Variants in MOV10L1 observed in about 807,000 individuals in gnomAD.
The protein encoded by MOV10L1 is RNA helicase Mov10l1.
Under a neutral mutation model 143.8 loss-of-function variants are expected in MOV10L1, and 110 were observed. The ratio of observed to expected loss-of-function variants is 0.76; its 90% confidence interval spans 0.66 to 0.90. MOV10L1 has a LOEUF of 0.90. Among genes scored for constraint, MOV10L1 ranks in the 40% least tolerant of loss-of-function variants. The pLI is 0.00. For synonymous variants in MOV10L1, 593 were observed against 581.1 expected (o/e 1.02, Z -0.29); for missense variants, 1,406 against 1,526.8 (o/e 0.92, Z 1.32).
At chr22:50,147,532 C>T (rs1387140714) in intron 19 of MOV10L1, among the ~76,000 whole-genome samples, 10 of 113,752 alleles carry the variant, frequency 8.8e-5, no homozygotes, top group African/African-American at 1.0e-4. Context: ...CTCTCAGAGG[C>T]GCTCTGTGCA....
intron 15 of MOV10L1, among the ~76,000 whole-genome samples, chr22:50,138,912 C>T (rs930121061): frequency 6.6e-6 from 1 of 152,086 alleles, no homozygotes; most frequent in Non-Finnish European, 1.5e-5. Flanking sequence ...CCATGTTGAT[C>T]AGGCTGGTCT....
chr22:50,098,674 G>A (rs1352008266), intron 2 of MOV10L1, among the ~76,000 whole-genome samples: 2 of 152,184 alleles, frequency 1.3e-5, no homozygotes, highest in East Asian at 3.8e-4. Context: ...CCACAGATGA[G>A]ATCCTACCAT....
chr22:50,128,543 T>A, intron 13 of MOV10L1, 36 bp downstream of exon 13: 8 of 410,224 alleles, frequency 2.0e-5, no homozygotes, highest in Admixed American at 5.9e-5. Flanking sequence ...CAAATGTCTT[T>A]TTTTTTTTTT....
At chr22:50,141,053 T>C (rs1362335858) in intron 15 of MOV10L1, among the ~76,000 whole-genome samples, 1 of 139,744 alleles carries the variant, frequency 7.2e-6, no homozygotes, top group Non-Finnish European at 1.6e-5. Flanking sequence ...TGTAGGATCC[T>C]TTTTTTTTTT....
chr22:50,107,352 G>T (rs755136088), intron 3 of MOV10L1, among the ~76,000 whole-genome samples: 2 of 152,128 alleles, frequency 1.3e-5, no homozygotes, highest in African/African-American at 4.8e-5. Context: ...GTGAGCCACC[G>T]CGCTTGGCCT....
rs199789683 is a variant in MOV10L1 at position 50,150,745 on chromosome 22, C to G, written c.2738C>G (p.Ala913Gly). The G allele has an allele frequency of 6.2e-7, 1 of 1,613,850 alleles. No homozygotes were observed. ...MSDISGQIVL[A>G]GDPMQLGPVI... ...GCCCTCTGTGTGCAGATCGTGCTGG[C>G]AGGAGACCCCATGCAGCTCGGCCCA... The change falls in exon 21 of 27, where the codon GCA becomes GGA. Residue 913 changes from alanine (A) to glycine (G), a missense_variant. This residue lies in a region of MOV10L1 where 1,233 missense variants were observed against 1,351.4 expected (regional missense o/e 0.91). Coordinates refer to ENST00000262794, the MANE Select transcript of MOV10L1 (RefSeq NM_018995.3).
chr22:50,149,452 TCCTC>T, intron 19 of MOV10L1, 159 bp from the exon 20 acceptor site: 1 of 621,228 alleles, frequency 1.6e-6, no homozygotes, highest in Non-Finnish European at 2.9e-6. Context: ...CTGTGGCCTG[TCCTC>T]CCTCCAGCCG....
At chr22:50,143,999 A>G in intron 17 of MOV10L1, 98 bp from the exon 18 acceptor site, 1 of 1,466,258 alleles carries the variant, frequency 6.8e-7, no homozygotes, top group African/African-American at 1.4e-5. Context: ...CATGCAGCTG[A>G]GTCCCTGCAC....
rs751444858 is a variant in MOV10L1, at chr22:50,158,041, C to T, written c.3067-16C>T. The T allele has an allele frequency of 1.2e-6, 2 of 1,605,360 alleles. No homozygotes were observed. Among genetic ancestry groups the T allele is most frequent in the Non-Finnish European group, 1.7e-6 (2 of 1,174,936 alleles). ...ATTCATGAAGTAAAGTAGGTTTTCT[C>T]TCCTCATCAACCCAGGGCAGCGAGG... On this transcript the variant is annotated splice_polypyrimidine_tract_variant and intron_variant, in intron 22 of 26. Transcript: ENST00000262794. This position sits in a 1 kb window ranked among gnomAD's most constrained non-coding sequence, Gnocchi z 5.0.
rs1243596079 is a variant in MOV10L1 at position 50,131,110 on chromosome 22, G to C, written c.1910+2603G>C. On this transcript the variant is annotated intron_variant, in intron 13 of 26. Transcript: ENST00000262794. ...ATTTTTAGTGAGACGGGGTTTCACT[G>C]TGTTAGCCAGAATGGTCTCAATCTC... Among the ~76,000 whole-genome samples, 3 of 142,550 alleles carry C rather than the reference G, an allele frequency of 2.1e-5. No homozygotes were observed. In the South Asian group the frequency reaches 6.7e-4, roughly 32 times the overall value. The allele number at this position is 142,550 out of a possible 152,430, so 93.5% of individuals were successfully genotyped here. A position where few individuals can be genotyped will look rare whatever the true frequency, so the allele number is the denominator to read the frequency against.
Position 50,126,250 on chromosome 22 carries a change from A to G in MOV10L1, c.1796A>G (p.Glu599Gly). ...CAAGAGTACAATGGACATGCCATCG[A>G]ATACATCAGCTACGTGACTGAGGTG... Reference protein sequence around the residue: ...KTQEYNGHAIEYISYVTEIHE... With the variant: ...KTQEYNGHAIGYISYVTEIHE... The change falls in exon 12 of 27, where the codon GAA becomes GGA. Residue 599 changes from glutamate (E) to glycine (G), a missense_variant. By Grantham distance (98) the Glu-to-Gly change is moderately conservative (BLOSUM62 -2). This residue lies in a region of MOV10L1 where 1,233 missense variants were observed against 1,351.4 expected (regional missense o/e 0.91). Coordinates refer to ENST00000262794, the MANE Select transcript of MOV10L1 (RefSeq NM_018995.3). The G allele has an allele frequency of 6.2e-7, 1 of 1,612,642 alleles. No individual in the cohort carries two copies. Among genetic ancestry groups the G allele is most frequent in the African/African-American group, 1.3e-5 (1 of 75,026 alleles).
At chr22:50,145,651 T>C (rs1250408888) in intron 18 of MOV10L1, 38 bp from the exon 19 acceptor site, 9 of 1,608,114 alleles carry the variant, frequency 5.6e-6, no homozygotes, top group African/African-American at 1.3e-5. Context: ...GCTTAATAAT[T>C]GGAGGAGTAA....
At chr22:50,091,920 C>T (rs2062454684) in intron 1 of MOV10L1, 81 bp from the exon 2 acceptor site, 2 of 1,409,494 alleles carry the variant, frequency 1.4e-6, no homozygotes, top group South Asian at 1.4e-5. Flanking sequence ...GGCTTTTGCA[C>T]TCTGCCTTTC....
In MOV10L1 at chr22:50,158,171, A is replaced by G. The variant is rs1366812280; in HGVS notation, c.3181A>G (p.Ser1061Gly). 6.2e-7 allele frequency: 1 copy of G among 1,614,156 alleles called. No homozygotes were observed. Among genetic ancestry groups the G allele is most frequent in the East Asian group, 2.2e-5 (1 of 44,880 alleles). The change falls in exon 23 of 27, where the codon AGC (serine) becomes GGC (glycine). Residue 1061 changes from serine (S) to glycine (G), a missense_variant. This residue lies in a region of MOV10L1 where 1,233 missense variants were observed against 1,351.4 expected (regional missense o/e 0.91). Coordinates refer to ENST00000262794, the MANE Select transcript of MOV10L1 (RefSeq NM_018995.3). This position sits in a 1 kb window ranked among gnomAD's most constrained non-coding sequence, Gnocchi z 5.0. The stretch of plus-strand genomic sequence containing the variant: ...CAGCATCTCCAGTCAGGTGTCTGCC[A>G]GCGACATTGGCGTCATCACGCCCTA... ...AHSISSQVSA[S>G]DIGVITPYRK...
At chr22:50,116,410 G>A (rs1184511531) in intron 8 of MOV10L1, among the ~76,000 whole-genome samples, 1 of 146,256 alleles carries the variant, frequency 6.8e-6, no homozygotes, top group Non-Finnish European at 1.5e-5. Context: ...TCACGCCACC[G>A]CACTCCAGGC....
intron 3 of MOV10L1, among the ~76,000 whole-genome samples, chr22:50,101,793 T>C (rs1311982322): frequency 7.1e-6 from 1 of 140,862 alleles, no homozygotes; most frequent in Non-Finnish European, 1.7e-5. Context: ...ATTATAGGCA[T>C]GAACCACTGT....
chr22:50,090,403 T>C, intron 1 of MOV10L1: 1 of 1,567,810 alleles, frequency 6.4e-7, no homozygotes. Context: ...GTGAGGTCTC[T>C]CCGGTGACAC....
chr22:50,107,658 T>C (rs2061909474), intron 3 of MOV10L1, among the ~76,000 whole-genome samples: 1 of 152,170 alleles, frequency 6.6e-6, no homozygotes, highest in African/African-American at 2.4e-5. Flanking sequence ...GGCCCAGCGG[T>C]GTCTTGCGTC....
chr22:50,145,315 C>G (rs138266), intron 18 of MOV10L1, among the ~76,000 whole-genome samples: 140,920 of 152,292 alleles, frequency 0.93, 65,225 homozygotes, highest in Admixed American at 0.95. Flanking sequence ...CCAGCTACTC[C>G]GGAGGCCGAA....
Sources: allele counts gnomAD v4.1 joint callset (sites outside exome capture counted in the v4.1 genomes callset), GRCh38; gene constraint gnomAD v4.1.1; regional missense constraint gnomAD v4.1.1; non-coding constraint Gnocchi (gnomAD v3.1); transcripts MANE v1.5; gene names NCBI Gene and HGNC (gene_info 2026-07-23, HGNC 2026-07-21).